ESRP2: variants seen among roughly 807,000 people sequenced by gnomAD.
ESRP2 encodes RNA binding motif protein 35A.
In ESRP2, 48 loss-of-function variants were observed where a neutral mutation model predicts 78.6. That is an observed-to-expected ratio of 0.61 (90% CI 0.48 to 0.78). ESRP2 has a LOEUF of 0.78. Among genes scored for constraint, ESRP2 ranks in the 30% least tolerant of loss-of-function variants. ESRP2 has a pLI of 0.00. For synonymous variants in ESRP2, 383 were observed against 406.7 expected, an observed-to-expected ratio of 0.94 and a Z score of 0.70; for missense variants, 863 against 965.9, an observed-to-expected ratio of 0.89 and a Z score of 1.41.
Position 68,229,929 on chromosome 16 carries a change from A to G in ESRP2, c.*297T>C, listed in dbSNP as rs1158854175. On this transcript the variant is annotated 3_prime_UTR_variant, in exon 15 of 15. Transcript: ENST00000473183. ...CACGATATCTGTCGGCATGGGCCAC[A>G]GCCAGGACAGACTTAAGGGCTCTCC... The G allele has an allele frequency of 2.2e-6, 1 of 447,216 alleles. No homozygotes were observed. Among genetic ancestry groups the G allele is most frequent in the Admixed American group, 3.4e-5 (1 of 29,554 alleles). The allele number at this position is 447,216 out of a possible 1,614,324, so 27.7% of individuals were successfully genotyped here. A position where few individuals can be genotyped will look rare whatever the true frequency, so the allele number is the denominator to read the frequency against.
Position 68,231,375 on chromosome 16 carries a change from CCCTGTGCACACCAT to C in ESRP2, c.1513-13_1513del, listed in dbSNP as rs1166858851. 2 of 1,614,090 alleles carry C rather than the reference CCCTGTGCACACCAT, an allele frequency of 1.2e-6. No individual in the cohort carries two copies. The highest frequency in any genetic ancestry group is 2.7e-5 in the African/African-American group (2 of 75,046). ...AATGAAGGCATCGCCCGATGGCCGG[CCCTGTGCACACCAT>C]CTTGTGAGCAGTTTGTCATGTGTAA... On this transcript the variant is annotated splice_acceptor_variant and splice_polypyrimidine_tract_variant and coding_sequence_variant and intron_variant, in exon 12 of 15. Transcript: ENST00000473183. LOFTEE classifies it high-confidence loss of function. The surrounding 1 kb of genome is among the most constrained non-coding windows in gnomAD (Gnocchi z 6.0).
chr16:68,233,014 C>A (rs1219222750), intron 5 of ESRP2, among the ~76,000 whole-genome samples, 199 bp from the exon 6 acceptor site: 1 of 152,130 alleles, frequency 6.6e-6, no homozygotes, highest in Non-Finnish European at 1.5e-5. Context: ...GCCTGGCCAA[C>A]ATGGTGAAAC....
Position 68,230,226 on chromosome 16 carries a change from C to T in ESRP2, c.2154G>A (p.Ter718=). The T allele has an allele frequency of 1.2e-6, 2 of 1,614,154 alleles. No individual in the cohort carries two copies. The highest frequency in any genetic ancestry group is 1.7e-6 in the Non-Finnish European group (2 of 1,179,980). ...LQAPKEWVCL[*] ...GGCTCTTACCTCCTGGCTTTCTCTCCTACAAACACACCCATTCCTTGGGGG... is the reference window on the plus strand; with the variant it reads ...GGCTCTTACCTCCTGGCTTTCTCTCTTACAAACACACCCATTCCTTGGGGG... Residue 718 remains the stop codon, a stop_retained_variant, in exon 15 of 15, where the codon TAG becomes TAA. Coordinates refer to ENST00000473183, the MANE Select transcript of ESRP2 (RefSeq NM_024939.3).
intron 4 of ESRP2, 78 bp from the exon 5 acceptor site, chr16:68,233,503 C>T (rs775592913): frequency 9.3e-7 from 1 of 1,074,910 alleles, no homozygotes; most frequent in Non-Finnish European, 1.5e-6. Context: ...AACTCCCCTC[C>T]ATAGACACAT....
chr16:68,232,862 T>C lies in ESRP2; in HGVS notation c.656-47A>G. On this transcript the variant is annotated intron_variant, in intron 5 of 14. Transcript: ENST00000473183. The surrounding 1 kb of genome is among the most constrained non-coding windows in gnomAD (Gnocchi z 5.2). ...GTCAGCAGGGTCTGGTGGAGAGGGG[T>C]GTCCCCACCAAGTTCTGCAAAAAGT... 6.2e-7 allele frequency: 1 copy of C among 1,612,530 alleles called. No individual in the cohort carries two copies. Among genetic ancestry groups the C allele is most frequent in the Non-Finnish European group, 8.5e-7 (1 of 1,178,930 alleles).
In ESRP2 at chr16:68,230,165, G is replaced by T; in HGVS notation, c.*61C>A. 2 of 1,503,414 alleles carry T rather than the reference G, an allele frequency of 1.3e-6. No individual in the cohort carries two copies. Among genetic ancestry groups the T allele is most frequent in the East Asian group, 2.3e-5 (1 of 44,322 alleles). 93.1% of individuals were successfully genotyped at this position (1,503,414 alleles called of 1,614,324 possible). On this transcript the variant is annotated 3_prime_UTR_variant, in exon 15 of 15. Coordinates refer to ENST00000473183, the MANE Select transcript of ESRP2 (RefSeq NM_024939.3). ...CCAGGTTGAGGGTGCTGGTCTTCTG[G>T]ACTCAGGAGAGACATGTTCGCCGAG...
rs780382325 is a variant in ESRP2, at chr16:68,233,397, C to T, written c.585G>A (p.Glu195=). 36 of 1,614,070 alleles carry T rather than the reference C, an allele frequency of 2.2e-5. No homozygotes were observed. Among genetic ancestry groups the T allele is most frequent in the Non-Finnish European group, 3.1e-5 (36 of 1,179,946 alleles). ...TGACTTCCCAGACCCCAAAGTCATC[C>T]TCTGTGGCATCTGTCTCCAGTCCTA... The part of the protein sequence containing the change: ...QGLGLETDAT[E]DDFGVWEVKT... Residue 195 remains glutamate, a synonymous_variant, in exon 5 of 15, where the codon GAG becomes GAA. Coordinates refer to ENST00000473183, the MANE Select transcript of ESRP2 (RefSeq NM_024939.3).
chr16:68,235,542 G>T lies in ESRP2; in HGVS notation c.327+92C>A, dbSNP rs921990042. 1 of 1,532,132 alleles carries T rather than the reference G, an allele frequency of 6.5e-7. No individual in the cohort carries two copies. 94.9% of individuals were successfully genotyped at this position (1,532,132 alleles called of 1,614,324 possible). On this transcript the variant is annotated intron_variant, in intron 2 of 14. Coordinates refer to ENST00000473183, the MANE Select transcript of ESRP2 (RefSeq NM_024939.3). This position sits in a 1 kb window ranked among gnomAD's most constrained non-coding sequence, Gnocchi z 5.5. Reference sequence around the variant, plus strand: ...CCAGTCCTGCCGCCTGGACCGGTTGGTTGCGGCACGCCAGGCCTAGCCTCC... The same window carrying T: ...CCAGTCCTGCCGCCTGGACCGGTTGTTTGCGGCACGCCAGGCCTAGCCTCC...
Position 68,229,904 on chromosome 16 carries a change from C to T in ESRP2, c.*322G>A. On this transcript the variant is annotated 3_prime_UTR_variant, in exon 15 of 15. Transcript: ENST00000473183. The stretch of plus-strand genomic sequence containing the variant: ...AAGCCTGCCGTGGACCTGTCAGCCC[C>T]ACGATATCTGTCGGCATGGGCCACA... The T allele has an allele frequency of 2.7e-6, 1 of 368,554 alleles. No homozygotes were observed. Among genetic ancestry groups the T allele is most frequent in the Non-Finnish European group, 5.1e-6 (1 of 197,700 alleles). 22.8% of individuals were successfully genotyped at this position (368,554 alleles called of 1,614,324 possible).
At position 68,235,919 on chromosome 16, in the gene ESRP2, G is replaced by C. The variant is rs748133000; in HGVS notation, c.127C>G (p.Arg43Gly). 6.2e-7 allele frequency: 1 copy of C among 1,606,098 alleles called. No individual in the cohort carries two copies. The highest frequency in any genetic ancestry group is 8.5e-7 in the Non-Finnish European group (1 of 1,177,178). The stretch of plus-strand genomic sequence containing the variant: ...TCGGTCTCGTCCGAGCCCAGGTCCC[G>C]TCCCAGCGCACCCGCCGTAGCCCCG... ...LFGATAGALGRDLGSDETDLI... is the reference protein window; with the variant it reads ...LFGATAGALGGDLGSDETDLI... Residue 43 changes from arginine to glycine, a missense_variant, in exon 1 of 15, where the codon CGG (arginine) becomes GGG (glycine). Physicochemically the swap from Arg to Gly is moderately radical, Grantham distance 125. Transcript: ENST00000473183. This position sits in a 1 kb window ranked among gnomAD's most constrained non-coding sequence, Gnocchi z 5.5.
rs969928908 is a variant in ESRP2 at position 68,229,887 on chromosome 16, C to T, written c.*339G>A. ...ATTTTATAAAAGAAAGCAAGCCTGC[C>T]GTGGACCTGTCAGCCCCACGATATC... On this transcript the variant is annotated 3_prime_UTR_variant, in exon 15 of 15. Coordinates refer to ENST00000473183, the MANE Select transcript of ESRP2 (RefSeq NM_024939.3). The T allele has an allele frequency of 2.2e-5, 7 of 324,764 alleles. No homozygotes were observed. The highest frequency in any genetic ancestry group is 5.0e-5 in the South Asian group (1 of 19,944). The allele number at this position is 324,764 out of a possible 1,614,324, so 20.1% of individuals were successfully genotyped here.
chr16:68,230,737 TGTC>T lies in ESRP2; in HGVS notation c.1898+101_1898+103del, dbSNP rs926268369. 10 of 1,512,344 alleles carry T rather than the reference TGTC, an allele frequency of 6.6e-6. No individual in the cohort carries two copies. The Admixed American group carries it at 1.6e-4, about 25-fold the overall frequency. The allele number at this position is 1,512,344 out of a possible 1,614,324, so 93.7% of individuals were successfully genotyped here. ...TTAGCCAGCTGCCACCTTACTCCCT[TGTC>T]ATCTCAAGGGAGGAGTTATCTGGTC... is the stretch of plus-strand genomic sequence containing the variant. On this transcript the variant is annotated intron_variant, in intron 13 of 14. Coordinates refer to ENST00000473183, the MANE Select transcript of ESRP2 (RefSeq NM_024939.3).
Position 68,231,667 on chromosome 16 carries a change from GTGGGCCGGA to G in ESRP2, c.1318_1326del (p.Ser440_Pro442del), listed in dbSNP as rs1369644667. On this transcript the variant is annotated inframe_deletion, in exon 11 of 15. Transcript: ENST00000473183. This position sits in a 1 kb window ranked among gnomAD's most constrained non-coding sequence, Gnocchi z 6.0. ...AGTGGGGCAGTCAGTGTAGGAAGGA[GTGGGCCGGA>G]TGCATAGCGGTTCAAGACCTAGTAA... The G allele has an allele frequency of 1.2e-6, 2 of 1,611,992 alleles. No homozygotes were observed. The highest frequency in any genetic ancestry group is 1.3e-5 in the African/African-American group (1 of 74,866).
chr16:68,234,444 G>C (rs1460432685), intron 2 of ESRP2: 2 of 229,112 alleles, frequency 8.7e-6, no homozygotes. Flanking sequence ...GGGCAAAGCA[G>C]GTTAAACCTG....
rs1330169825 is a variant in ESRP2 at position 68,233,974 on chromosome 16, G to A, written c.441+20C>T. On this transcript the variant is annotated intron_variant, in intron 3 of 14. Coordinates refer to ENST00000473183, the MANE Select transcript of ESRP2 (RefSeq NM_024939.3). ...CTTACTGACCACCCCACCCCACCCG[G>A]TTTTCCTTCAGGAGCATACCTTCCT... 6.2e-7 allele frequency: 1 copy of A among 1,612,160 alleles called. No individual in the cohort carries two copies. Among genetic ancestry groups the A allele is most frequent in the African/African-American group, 1.3e-5 (1 of 75,016 alleles).
rs1006246519 is a variant in ESRP2, at chr16:68,232,941, A to G, written c.656-126T>C. 15 of 1,361,234 alleles carry G rather than the reference A, an allele frequency of 1.1e-5. No homozygotes were observed. The highest frequency in any genetic ancestry group is 1.9e-5 in the Admixed American group (1 of 52,818). The allele number at this position is 1,361,234 out of a possible 1,614,324, so 84.3% of individuals were successfully genotyped here. A position where few individuals can be genotyped will look rare whatever the true frequency, so the allele number is the denominator to read the frequency against. On this transcript the variant is annotated intron_variant, in intron 5 of 14. Coordinates refer to ENST00000473183, the MANE Select transcript of ESRP2 (RefSeq NM_024939.3). The surrounding 1 kb of genome is among the most constrained non-coding windows in gnomAD (Gnocchi z 5.2). Reference sequence around the variant, plus strand: ...AGGCCGAGCACAGTGGCTCACGCCTATAATCCCAGCACTTTGGGAGGCCAA... The same window carrying G: ...AGGCCGAGCACAGTGGCTCACGCCTGTAATCCCAGCACTTTGGGAGGCCAA...
In ESRP2 at chr16:68,230,233, C is replaced by T; in HGVS notation, c.2147G>A (p.Cys716Tyr). ...TVLQAPKEWV[C>Y]L ...ACCTCCTGGCTTTCTCTCCTACAAA[C>T]ACACCCATTCCTTGGGGGCTTGTAA... Residue 716 changes from cysteine (C) to tyrosine (Y), a missense_variant, in exon 15 of 15, where the codon TGT (cysteine) becomes TAT (tyrosine). Physicochemically the swap from Cys to Tyr is radical, Grantham distance 194 (BLOSUM62 -2). Coordinates refer to ENST00000473183, the MANE Select transcript of ESRP2 (RefSeq NM_024939.3). 2 of 1,614,170 alleles carry T rather than the reference C, an allele frequency of 1.2e-6. No homozygotes were observed. Among genetic ancestry groups the T allele is most frequent in the South Asian group, 2.2e-5 (2 of 91,086 alleles).
Position 68,231,074 on chromosome 16 carries a change from C to T in ESRP2, c.1712-47G>A. 6.3e-7 allele frequency: 1 copy of T among 1,596,554 alleles called. No homozygotes were observed. On this transcript the variant is annotated intron_variant, in intron 12 of 14. Coordinates refer to ENST00000473183, the MANE Select transcript of ESRP2 (RefSeq NM_024939.3). This position sits in a 1 kb window ranked among gnomAD's most constrained non-coding sequence, Gnocchi z 6.0. ...GCATGTGCACGGAGCCCAGCACTGC[C>T]CTGGGTGGGGTAGCCAGAAAGGAGT...
In ESRP2 at chr16:68,231,260, A is replaced by T. The variant is rs757518093; in HGVS notation, c.1629T>A (p.Cys543Ter). Residue 543 changes from cysteine (C) to a stop codon, truncating the protein, a stop_gained, in exon 12 of 15, where the codon TGT becomes TGA. Transcript: ENST00000473183. LOFTEE classifies it high-confidence loss of function. This position sits in a 1 kb window ranked among gnomAD's most constrained non-coding sequence, Gnocchi z 6.0. ...GCACTCGGCTCATCTCCTCTGTGGA[A>T]CAGGGGACCACCTCCACGTAGCGCT... ...MKERYVEVVP[C>*]STEEMSRVLM... The T allele has an allele frequency of 6.2e-7, 1 of 1,614,058 alleles. No homozygotes were observed. The highest frequency in any genetic ancestry group is 8.5e-7 in the Non-Finnish European group (1 of 1,179,970).
Sources: gnomAD v4.1 joint callset for allele counts (sites outside exome capture counted in the v4.1 genomes callset) on GRCh38, gnomAD v4.1.1 for gene constraint, Gnocchi (gnomAD v3.1) non-coding constraint, MANE v1.5 for transcripts, NCBI Gene and HGNC (gene_info 2026-07-23, HGNC 2026-07-21) for gene names.